The following RIF1 variants were observed in gnomAD, a reference collection of about 807,000 sequenced individuals.
The protein encoded by RIF1 is replication timing regulatory factor 1, also known as telomere-associated protein RIF1.
A neutral mutation model predicts 247.1 loss-of-function variants in RIF1; 45 were observed. That is an observed-to-expected ratio of 0.18 (90% CI 0.14 to 0.23). RIF1 has a LOEUF of 0.23. Among genes scored for constraint, RIF1 ranks in the 10% least tolerant of loss-of-function variants. The pLI, the probability that RIF1 is intolerant of heterozygous loss-of-function variation, is 1.00. For synonymous variants in RIF1, 1,087 were observed against 978.8 expected (o/e 1.11, Z -2.06); for missense variants, 2,967 against 2,862.5 (o/e 1.04, Z -0.83).
In RIF1 at chr2:151,443,547, A is replaced by G. The variant is rs536426626; in HGVS notation, c.1824A>G (p.Glu608=). ...VSDERFFLSL[E]SLVGCVLSGP... ...TGTTCAGGTTCTTTCTCAGTTTGGA[A>G]TCACTTGTAGGCTGTGTTCTTTCTG... Residue 608 remains glutamate, a synonymous_variant, in exon 18 of 36, where the codon GAA becomes GAG. Transcript: ENST00000444746. The G allele has an allele frequency of 1.5e-4, 236 of 1,577,064 alleles. 3 individuals are homozygous for G. The South Asian group carries it at 2.6e-3, about 17-fold the overall frequency.
chr2:151,480,688 G>T lies in RIF1; in HGVS notation c.*5617G>T, dbSNP rs935280438. On this transcript the variant is annotated 3_prime_UTR_variant, in exon 36 of 36. Coordinates refer to ENST00000444746, the MANE Select transcript of RIF1 (RefSeq NM_018151.5). ...AGGAAGATCATCTTCAAAATAAAGT[G>T]TCATGGAACTGAAAATAGAGTATAG... is the stretch of plus-strand genomic sequence containing the variant. 1.1e-4 allele frequency: 17 copies of T among 152,164 alleles called. No homozygotes were observed. Among genetic ancestry groups the T allele is most frequent in the African/African-American group, 4.1e-4 (17 of 41,450 alleles). The allele number at this position is 152,164 out of a possible 1,614,324, so 9.4% of individuals were successfully genotyped here.
intron 21 of RIF1, among the ~76,000 whole-genome samples, chr2:151,451,916 A>G (rs949154112): frequency 2.0e-5 from 3 of 152,032 alleles, no homozygotes; most frequent in African/African-American, 2.4e-5. Context: ...TCTTATCTCT[A>G]TCACACAAAA....
rs564010089 is a variant in RIF1 at position 151,443,839 on chromosome 2, CGTT to C, written c.1986+133_1986+135del. 143 of 538,306 alleles carry C rather than the reference CGTT, an allele frequency of 2.7e-4. 1 individual carries two copies. The South Asian group carries it at 2.9e-3, about 11-fold the overall frequency. The allele number at this position is 538,306 out of a possible 1,614,324, so 33.3% of individuals were successfully genotyped here. On this transcript the variant is annotated intron_variant, in intron 18 of 35. Coordinates refer to ENST00000444746, the MANE Select transcript of RIF1 (RefSeq NM_018151.5). ...TATTTTTTCTGGTGGAATTGGTAAA[CGTT>C]GTACTTTTGATTGATTTTATTGCAT...
chr2:151,441,011 G>A (rs1473237176), intron 15 of RIF1, among the ~76,000 whole-genome samples: 1 of 152,102 alleles, frequency 6.6e-6, no homozygotes, highest in African/African-American at 2.4e-5. Flanking sequence ...TTACCACTGG[G>A]CATGGTGGCT....
chr2:151,506,797 A>G, intron 13 of RIF1: 1 of 720,002 alleles, frequency 1.4e-6, no homozygotes, highest in Non-Finnish European at 2.4e-6. Flanking sequence ...TGCTAGTATT[A>G]CTGAGGAGGT....
At chr2:151,474,513 TA>T (rs1376979490) in intron 35 of RIF1, among the ~76,000 whole-genome samples, 1 of 152,110 alleles carries the variant, frequency 6.6e-6, no homozygotes. Context: ...CAGCACCTAC[TA>T]AAAATACAAA....
chr2:151,510,865 T>C (rs1252752750), downstream of RIF1, among the ~76,000 whole-genome samples: 2 of 152,226 alleles, frequency 1.3e-5, no homozygotes, highest in East Asian at 3.8e-4. Flanking sequence ...ACATTGCTTG[T>C]ATTAACCCCC....
At chr2:151,447,919 A>G (rs914769363) in intron 20 of RIF1, among the ~76,000 whole-genome samples, 1 of 152,292 alleles carries the variant, frequency 6.6e-6, no homozygotes, top group African/African-American at 2.4e-5. Context: ...TGGCCTTCAC[A>G]CAGAAACCGT....
intron 12 of RIF1, among the ~76,000 whole-genome samples, chr2:151,503,690 A>G (rs924178214): frequency 6.6e-6 from 1 of 152,196 alleles, no homozygotes; most frequent in Non-Finnish European, 1.5e-5. Flanking sequence ...CATGCCTAAA[A>G]TGCATTAATA....
downstream of RIF1, chr2:151,508,074 C>G: frequency 1.9e-6 from 3 of 1,610,126 alleles, no homozygotes; most frequent in Non-Finnish European, 2.5e-6. Context: ...TCTCATAATA[C>G]GACATGGACT....
chr2:151,457,560 A>C (rs999594439), intron 23 of RIF1, among the ~76,000 whole-genome samples: 1 of 151,520 alleles, frequency 6.6e-6, no homozygotes, highest in Non-Finnish European at 1.5e-5. Context: ...AATAGAAAAT[A>C]AGTTCAAAAT....
intron 9 of RIF1, among the ~76,000 whole-genome samples, chr2:151,488,842 T>C (rs965165239): frequency 6.6e-5 from 10 of 152,188 alleles, no homozygotes; most frequent in East Asian, 5.8e-4. Flanking sequence ...TATAATTCTT[T>C]TAGGGTCTGT....
chr2:151,466,806 A>G (rs2152511149), intron 30 of RIF1, among the ~76,000 whole-genome samples: 1 of 152,378 alleles, frequency 6.6e-6, no homozygotes, highest in South Asian at 2.1e-4. Context: ...AAAAGGTATG[A>G]TGTTGGCATT....
chr2:151,414,047 C>A (rs192898376), intron 3 of RIF1, among the ~76,000 whole-genome samples: 35 of 152,266 alleles, frequency 2.3e-4, no homozygotes, highest in African/African-American at 8.4e-4. Flanking sequence ...CACGGTGGCT[C>A]ACGCCTGTAA....
chr2:151,501,215 A>ATGTT (rs887927997), intron 11 of RIF1, among the ~76,000 whole-genome samples: 1 of 152,246 alleles, frequency 6.6e-6, no homozygotes, highest in Non-Finnish European at 1.5e-5. Context: ...AAAGTATAAA[A>ATGTT]TGTTTGTTAG....
chr2:151,459,114 T>A (rs1695707856), intron 25 of RIF1, among the ~76,000 whole-genome samples: 1 of 152,226 alleles, frequency 6.6e-6, no homozygotes, highest in Non-Finnish European at 1.5e-5. Context: ...CATTAATCAT[T>A]TGTTTTGAAC....
chr2:151,451,627 AT>A lies in RIF1; in HGVS notation c.2268del (p.Ile757PhefsTer6). 1 of 1,449,544 alleles carries A rather than the reference AT, an allele frequency of 6.9e-7. No individual in the cohort carries two copies. The highest frequency in any genetic ancestry group is 9.7e-7 in the Non-Finnish European group (1 of 1,031,568). The allele number at this position is 1,449,544 out of a possible 1,614,324, so 89.8% of individuals were successfully genotyped here. ...GFSNLLFVDRIIYIITVMVDC... is the reference protein window; with the variant it reads ...GFSNLLFVDRXIYIITVMVDC... Reference sequence around the variant, plus strand: ...CTAGAATTTGTTGTTCGTGGATAGAATTATTTATATTATTACTGTAATGGTT... The same window carrying A: ...CTAGAATTTGTTGTTCGTGGATAGAATATTTATATTATTACTGTAATGGTT... On this transcript the variant is annotated frameshift_variant, in exon 21 of 36. Transcript: ENST00000444746. LOFTEE classifies it high-confidence loss of function.
At chr2:151,487,941 GAATATGATAC>G (rs1211262910) in intron 9 of RIF1, among the ~76,000 whole-genome samples, 2 of 151,994 alleles carry the variant, frequency 1.3e-5, no homozygotes, top group Non-Finnish European at 2.9e-5. Flanking sequence ...TAAAATGTTC[GAATATGATAC>G]AATATGATAT....
At chr2:151,525,085 A>G in the RIF1 span, 6 of 1,028,098 alleles carry the variant, frequency 5.8e-6, no homozygotes, top group African/African-American at 8.0e-5. Flanking sequence ...GTGACCACAC[A>G]CTGGAACAAG....
Sources: allele counts gnomAD v4.1 joint callset (sites outside exome capture counted in the v4.1 genomes callset), GRCh38; gene constraint gnomAD v4.1.1; transcripts MANE v1.5; gene names NCBI Gene and HGNC (gene_info 2026-07-23, HGNC 2026-07-21).